TIE1: variants seen among roughly 807,000 people sequenced by gnomAD.
TIE1 encodes tyrosine-protein kinase receptor Tie-1.
Under a neutral mutation model 130.5 loss-of-function variants are expected in TIE1, and 89 were observed. That is an observed-to-expected ratio of 0.68 (90% CI 0.57 to 0.81). The LOEUF is 0.81. Among genes scored for constraint, TIE1 ranks in the 40% least tolerant of loss-of-function variants. The probability of loss-of-function intolerance (pLI) is 0.00; values close to 1 mark genes in which losing one functional copy is unlikely to be tolerated. For synonymous variants in TIE1, 568 were observed against 629.4 expected (o/e 0.90, Z 1.46); for missense variants, 1,392 against 1,559.8 (o/e 0.89, Z 1.81).
intron 1 of TIE1, among the ~76,000 whole-genome samples, chr1:43,304,200 G>A (rs921457868): frequency 6.6e-6 from 1 of 152,210 alleles, no homozygotes; most frequent in Non-Finnish European, 1.5e-5. Flanking sequence ...CTCCTTAAGT[G>A]CTGGGATTCC....
At position 43,312,991 on chromosome 1, in the gene TIE1, T is replaced by C. The variant is rs894259467; in HGVS notation, c.1928-144T>C. Reference sequence around the variant, plus strand: ...CCTGGGGGAATGGAGAGGAATTCAGTCTGGTGGGGAGGAGGAAGTTGGCAG... The same window carrying C: ...CCTGGGGGAATGGAGAGGAATTCAGCCTGGTGGGGAGGAGGAAGTTGGCAG... On this transcript the variant is annotated intron_variant, in intron 12 of 22. Transcript: ENST00000372476. This position sits in a 1 kb window ranked among gnomAD's most constrained non-coding sequence, Gnocchi z 5.6. The C allele has an allele frequency of 6.5e-6, 6 of 926,428 alleles. No homozygotes were observed. In the African/African-American group the frequency reaches 1.0e-4, roughly 15 times the overall value. The allele number at this position is 926,428 out of a possible 1,614,324, so 57.4% of individuals were successfully genotyped here.
rs1158399227 is a variant in TIE1 at position 43,317,912 on chromosome 1, C to G, written c.2762C>G (p.Pro921Arg). The change falls in exon 17 of 23, where the codon CCC becomes CGC. Residue 921 changes from proline (P) to arginine (R), a missense_variant. Physicochemically the swap from Pro to Arg is moderately radical, Grantham distance 103. Coordinates refer to ENST00000372476, the MANE Select transcript of TIE1 (RefSeq NM_005424.5). The surrounding 1 kb of genome is among the most constrained non-coding windows in gnomAD (Gnocchi z 5.1). ...TTGTATATCGCTATTGAATATGCCC[C>G]CTACGGGAACCTGCTAGATTTTCTG... ...GYLYIAIEYA[P>R]YGNLLDFLRK... 13 of 1,614,050 alleles carry G rather than the reference C, an allele frequency of 8.1e-6. No homozygotes were observed. Among genetic ancestry groups the G allele is most frequent in the Non-Finnish European group, 1.1e-5 (13 of 1,180,010 alleles).
In TIE1 at chr1:43,312,409, G is replaced by A. The variant is rs758015136; in HGVS notation, c.1735G>A (p.Gly579Ser). Residue 579 changes from glycine (G) to serine (S), a missense_variant, in exon 12 of 23, where the codon GGT (glycine) becomes AGT (serine). This residue lies in a region of TIE1 where 551 missense variants were observed against 565.5 expected (regional missense o/e 0.97). Coordinates refer to ENST00000372476, the MANE Select transcript of TIE1 (RefSeq NM_005424.5). This position sits in a 1 kb window ranked among gnomAD's most constrained non-coding sequence, Gnocchi z 5.6. ...PLVPGPLVGD[G>S]FLLRLWDGTR... is the part of the protein sequence containing the mutation. ...GGTGCCCGGGCCACTGGTGGGCGAC[G>A]GTTTCCTGCTGCGCCTGTGGGACGG... is the stretch of plus-strand genomic sequence containing the variant. The A allele has an allele frequency of 1.6e-5, 25 of 1,608,894 alleles. No individual in the cohort carries two copies. Among genetic ancestry groups the A allele is most frequent in the African/African-American group, 5.3e-5 (4 of 74,888 alleles).
rs1646862424 is a variant in TIE1, at chr1:43,316,853, T to A, written c.2410-346T>A. ...TTTTCTGTTTTAAATGTTAGAAATA[T>A]CCTCCTTCCATTGACTCACATTGTG... On this transcript the variant is annotated intron_variant, in intron 14 of 22. Coordinates refer to ENST00000372476, the MANE Select transcript of TIE1 (RefSeq NM_005424.5). The surrounding 1 kb of genome is among the most constrained non-coding windows in gnomAD (Gnocchi z 4.4). Among the ~76,000 whole-genome samples, 2 of 152,164 alleles carry A rather than the reference T, an allele frequency of 1.3e-5. No individual in the cohort carries two copies. Among genetic ancestry groups the A allele is most frequent in the Non-Finnish European group, 2.9e-5 (2 of 68,026 alleles).
rs1173869538 is a variant in TIE1, at chr1:43,307,376, G to C, written c.773-56G>C. The C allele has an allele frequency of 6.2e-7, 1 of 1,611,630 alleles. No individual in the cohort carries two copies. Among genetic ancestry groups the C allele is most frequent in the Non-Finnish European group, 8.5e-7 (1 of 1,178,468 alleles). On this transcript the variant is annotated intron_variant, in intron 5 of 22. Coordinates refer to ENST00000372476, the MANE Select transcript of TIE1 (RefSeq NM_005424.5). This position sits in a 1 kb window ranked among gnomAD's most constrained non-coding sequence, Gnocchi z 5.4. ...GCTTGGAGGGTAAGGGCGACAGGCA[G>C]GTCCTGGGCCCAGGGGCCCACAGAG...
Position 43,309,419 on chromosome 1 carries a change from C to T in TIE1, c.1220C>T (p.Thr407Ile). 6.2e-7 allele frequency: 1 copy of T among 1,608,660 alleles called. No individual in the cohort carries two copies. Among genetic ancestry groups the T allele is most frequent in the Admixed American group, 1.7e-5 (1 of 59,200 alleles). Residue 407 changes from threonine (T) to isoleucine (I), a missense_variant, in exon 9 of 23, where the codon ACC becomes ATC. By Grantham distance (89) the Thr-to-Ile change is moderately conservative. Coordinates refer to ENST00000372476, the MANE Select transcript of TIE1 (RefSeq NM_005424.5). This position sits in a 1 kb window ranked among gnomAD's most constrained non-coding sequence, Gnocchi z 6.3. ...AAGGCCATTGTGGAGCCAGAGAAGA[C>T]CACAGCTGAGTTCGAGGTGCCCCGC... ...STKAIVEPEK[T>I]TAEFEVPRLV... is the part of the protein sequence containing the mutation.
In TIE1 at chr1:43,312,452, G is replaced by T; in HGVS notation, c.1778G>T (p.Arg593Leu). 1 of 1,611,018 alleles carries T rather than the reference G, an allele frequency of 6.2e-7. No individual in the cohort carries two copies. The highest frequency in any genetic ancestry group is 8.5e-7 in the Non-Finnish European group (1 of 1,179,520). ...RLWDGTRGQERRENVSSPQAR... is the reference protein window; with the variant it reads ...RLWDGTRGQELRENVSSPQAR... Reference sequence around the variant, plus strand: ...TGGGACGGGACACGGGGGCAGGAGCGGCGGGAGAACGTCTCATCCCCCCAG... The same window carrying T: ...TGGGACGGGACACGGGGGCAGGAGCTGCGGGAGAACGTCTCATCCCCCCAG... Residue 593 changes from arginine (R) to leucine (L), a missense_variant, in exon 12 of 23, where the codon CGG becomes CTG. This residue lies in a region of TIE1 where 551 missense variants were observed against 565.5 expected (regional missense o/e 0.97). Coordinates refer to ENST00000372476, the MANE Select transcript of TIE1 (RefSeq NM_005424.5). The surrounding 1 kb of genome is among the most constrained non-coding windows in gnomAD (Gnocchi z 5.6).
chr1:43,317,036 C>T lies in TIE1; in HGVS notation c.2410-163C>T, dbSNP rs980294815. Among the ~76,000 whole-genome samples the T allele has an allele frequency of 1.3e-5, 2 of 152,154 alleles. No individual in the cohort carries two copies. The highest frequency in any genetic ancestry group is 2.9e-5 in the Non-Finnish European group (2 of 68,036). On this transcript the variant is annotated intron_variant, in intron 14 of 22. Transcript: ENST00000372476. This position sits in a 1 kb window ranked among gnomAD's most constrained non-coding sequence, Gnocchi z 5.1. ...CCTATGATTCTGTCTCAGTTATGTC[C>T]TCTGTCTGCCTGTCTGTCCCTGGCT...
In TIE1 at chr1:43,317,984, A is replaced by T; in HGVS notation, c.2834A>T (p.His945Leu). Reference sequence around the variant, plus strand: ...ACTGACCCAGCTTTTGCTCGAGAGCATGGGACAGCCTCTACCCTTAGCTCC... The same window carrying T: ...ACTGACCCAGCTTTTGCTCGAGAGCTTGGGACAGCCTCTACCCTTAGCTCC... ...LETDPAFARE[H>L]GTASTLSSRQ... is the part of the protein sequence containing the mutation. Residue 945 changes from histidine to leucine, a missense_variant, in exon 17 of 23, where the codon CAT becomes CTT. Physicochemically the swap from His to Leu is moderately conservative, Grantham distance 99. This residue lies in a region of TIE1 where 286 missense variants were observed against 354.4 expected (regional missense o/e 0.81). Coordinates refer to ENST00000372476, the MANE Select transcript of TIE1 (RefSeq NM_005424.5). The surrounding 1 kb of genome is among the most constrained non-coding windows in gnomAD (Gnocchi z 5.1). The T allele has an allele frequency of 6.2e-7, 1 of 1,611,802 alleles. No individual in the cohort carries two copies. Among genetic ancestry groups the T allele is most frequent in the Non-Finnish European group, 8.5e-7 (1 of 1,178,784 alleles).
Position 43,317,663 on chromosome 1 carries a change from G to C in TIE1, c.2720G>C (p.Cys907Ser). 1 of 1,585,204 alleles carries C rather than the reference G, an allele frequency of 6.3e-7. No homozygotes were observed. Among genetic ancestry groups the C allele is most frequent in the South Asian group, 1.2e-5 (1 of 86,298 alleles). The change falls in exon 16 of 23, where the codon TGT (cysteine) becomes TCT (serine). Residue 907 changes from cysteine to serine, a missense_variant. Around this residue, in one of 6 missense-constraint regions of TIE1, gnomAD observed 286 missense variants for 354.4 expected, o/e 0.81. Transcript: ENST00000372476. This position sits in a 1 kb window ranked among gnomAD's most constrained non-coding sequence, Gnocchi z 5.1. ...AACATCATCAACCTCCTGGGGGCCT[G>C]TAAGAACCGAGGTGAGCCCCCAGCT... ...HPNIINLLGA[C>S]KNRGYLYIAI...
At position 43,312,644 on chromosome 1, in the gene TIE1, G is replaced by A. The variant is rs755941773; in HGVS notation, c.1927+43G>A. The A allele has an allele frequency of 3.0e-5, 47 of 1,554,560 alleles. No individual in the cohort carries two copies. Among genetic ancestry groups the A allele is most frequent in the South Asian group, 2.0e-4 (16 of 81,096 alleles). On this transcript the variant is annotated intron_variant, in intron 12 of 22. Coordinates refer to ENST00000372476, the MANE Select transcript of TIE1 (RefSeq NM_005424.5). This position sits in a 1 kb window ranked among gnomAD's most constrained non-coding sequence, Gnocchi z 5.6. ...GGATAGCTGGGGGTTGGGGGAGGAC[G>A]TGGGACACAGGGACACATGAGACCT...
rs767096356 is a variant in TIE1 at position 43,317,671 on chromosome 1, C to T, written c.2728C>T (p.Arg910Ter). 8.9e-6 allele frequency: 14 copies of T among 1,574,760 alleles called. No homozygotes were observed. Among genetic ancestry groups the T allele is most frequent in the Admixed American group, 3.6e-5 (2 of 56,108 alleles). ...IINLLGACKN[R>*]GYLYIAIEYA... The stretch of plus-strand genomic sequence containing the variant: ...CAACCTCCTGGGGGCCTGTAAGAAC[C>T]GAGGTGAGCCCCCAGCTCATCACCT... The change falls in exon 16 of 23, where the codon CGA (arginine) becomes TGA (stop). Residue 910 changes from arginine to a stop codon, truncating the protein, a stop_gained. Coordinates refer to ENST00000372476, the MANE Select transcript of TIE1 (RefSeq NM_005424.5). LOFTEE classifies it high-confidence loss of function. The surrounding 1 kb of genome is among the most constrained non-coding windows in gnomAD (Gnocchi z 5.1).
rs373802934 is a variant in TIE1 at position 43,316,760 on chromosome 1, CCAA to C, written c.2410-423_2410-421del. Among the ~76,000 whole-genome samples, 51 of 152,170 alleles carry C rather than the reference CCAA, an allele frequency of 3.4e-4. 2 individuals are homozygous for C. The highest frequency in any genetic ancestry group is 3.4e-3 in the Middle Eastern group (1 of 294). On this transcript the variant is annotated intron_variant, in intron 14 of 22. Transcript: ENST00000372476. The surrounding 1 kb of genome is among the most constrained non-coding windows in gnomAD (Gnocchi z 4.4). ...TTCTCCAGAGCTTCCCTGGTGACCC[CCAA>C]CAACAACAACAACAAAAAGCCTGGT... is the stretch of plus-strand genomic sequence containing the variant.
chr1:43,313,926 C>T lies in TIE1; in HGVS notation c.2367C>T (p.Ser789=), dbSNP rs768630377. Residue 789 remains serine (S), a synonymous_variant, in exon 14 of 23, where the codon AGC becomes AGT. Transcript: ENST00000372476. This position sits in a 1 kb window ranked among gnomAD's most constrained non-coding sequence, Gnocchi z 6.2. ...ALLTLVCIRR[S]CLHRRRTFTY... ...TAACCCTGGTGTGCATCCGCAGAAG[C>T]TGCCTGCATCGGAGACGCACCTTCA... 4.6e-5 allele frequency: 74 copies of T among 1,614,078 alleles called. No homozygotes were observed. The highest frequency in any genetic ancestry group is 6.3e-5 in the Non-Finnish European group (74 of 1,180,034).
chr1:43,306,746 G>A lies in TIE1; in HGVS notation c.485-94G>A, dbSNP rs1646731798. The A allele has an allele frequency of 1.4e-5, 20 of 1,427,660 alleles. No homozygotes were observed. Among genetic ancestry groups the A allele is most frequent in the Non-Finnish European group, 1.9e-5 (20 of 1,057,792 alleles). The allele number at this position is 1,427,660 out of a possible 1,614,324, so 88.4% of individuals were successfully genotyped here. A position where few individuals can be genotyped will look rare whatever the true frequency, so the allele number is the denominator to read the frequency against. On this transcript the variant is annotated intron_variant, in intron 3 of 22. Transcript: ENST00000372476. This position sits in a 1 kb window ranked among gnomAD's most constrained non-coding sequence, Gnocchi z 4.9. ...GCCCTAGGTCTCATCACTGTGCATG[G>A]GGCTCATTGATGTGAGCTGAGCAGA...
In TIE1 at chr1:43,318,940, G is replaced by A. The variant is rs1483207604; in HGVS notation, c.2923-295G>A. Among the ~76,000 whole-genome samples the A allele has an allele frequency of 6.6e-6, 1 of 152,126 alleles. No homozygotes were observed. Reference sequence around the variant, plus strand: ...GCTAAGGGAGAGAAACTGGAACCCAGGGGATGGGAAGAGGGAGGGGGAGAA... The same window carrying A: ...GCTAAGGGAGAGAAACTGGAACCCAAGGGATGGGAAGAGGGAGGGGGAGAA... On this transcript the variant is annotated intron_variant, in intron 17 of 22. Transcript: ENST00000372476. This position sits in a 1 kb window ranked among gnomAD's most constrained non-coding sequence, Gnocchi z 4.4.
chr1:43,321,309 G>C lies in TIE1; in HGVS notation c.3148G>C (p.Gly1050Arg), dbSNP rs774463776. 6.2e-7 allele frequency: 1 copy of C among 1,614,040 alleles called. No individual in the cohort carries two copies. The change falls in exon 20 of 23, where the codon GGA (glycine) becomes CGA (arginine). Residue 1050 changes from glycine (G) to arginine (R), a missense_variant and splice_region_variant. Around this residue, in one of 6 missense-constraint regions of TIE1, gnomAD observed 104 missense variants for 129.3 expected, o/e 0.80. Coordinates refer to ENST00000372476, the MANE Select transcript of TIE1 (RefSeq NM_005424.5). ...GVLLWEIVSL[G>R]GTPYCGMTCA... ...CCTTCTTTGGGAGATAGTGAGCCTT[G>C]GTGAGTTCCTGATCCCCGTCCCCCA...
chr1:43,317,449 CT>C lies in TIE1; in HGVS notation c.2620+43del. On this transcript the variant is annotated intron_variant, in intron 15 of 22. Transcript: ENST00000372476. This position sits in a 1 kb window ranked among gnomAD's most constrained non-coding sequence, Gnocchi z 5.1. The stretch of plus-strand genomic sequence containing the variant: ...CCCCTGGCCCAGCCCTGATGCTCTC[CT>C]TTGTCCCACAAATCCCAGGCCCCAC... 6.2e-7 allele frequency: 1 copy of C among 1,612,954 alleles called. No homozygotes were observed. The highest frequency in any genetic ancestry group is 8.5e-7 in the Non-Finnish European group (1 of 1,178,958).
rs1171639384 is a variant in TIE1 at position 43,316,661 on chromosome 1, C to T, written c.2410-538C>T. 6.6e-6 allele frequency among the ~76,000 whole-genome samples: 1 copy of T among 152,102 alleles called. No individual in the cohort carries two copies. The highest frequency in any genetic ancestry group is 1.9e-4 in the East Asian group (1 of 5,190). The stretch of plus-strand genomic sequence containing the variant: ...TGTGGAGAAAACCCCTCCACTGGCT[C>T]CCAGCAGCTCAGGGCTGAGCATGTA... On this transcript the variant is annotated intron_variant, in intron 14 of 22. Transcript: ENST00000372476. This position sits in a 1 kb window ranked among gnomAD's most constrained non-coding sequence, Gnocchi z 4.4.
Sources: gnomAD v4.1 joint callset for allele counts (sites outside exome capture counted in the v4.1 genomes callset) on GRCh38, gnomAD v4.1.1 for gene constraint, gnomAD v4.1.1 regional missense constraint, Gnocchi (gnomAD v3.1) non-coding constraint, MANE v1.5 for transcripts, NCBI Gene and HGNC (gene_info 2026-07-23, HGNC 2026-07-21) for gene names.